Variants in RERE observed in about 807,000 individuals in gnomAD.
RERE encodes the protein arginine-glutamic acid dipeptide repeats protein.
RERE carries 40 observed loss-of-function variants against 146.1 expected under a neutral mutation model. The observed-to-expected ratio is 0.27, with a 90% CI of 0.21 to 0.36. The LOEUF is 0.36. Ranked by LOEUF, RERE falls within the 10% of genes least tolerant of loss-of-function variation. The pLI is 1.00. For missense variants in RERE, 1,933 were observed against 2,138.7 expected, an observed-to-expected ratio of 0.90 and a Z score of 1.90; for synonymous variants, 1,003 against 866.0, an observed-to-expected ratio of 1.16 and a Z score of -2.78.
chr1:8,598,980 C>A (rs1345063102), intron 4 of RERE, among the ~76,000 whole-genome samples: 1 of 152,212 alleles, frequency 6.6e-6, no homozygotes, highest in Non-Finnish European at 1.5e-5. Flanking sequence ...CTGCAAACAT[C>A]CCCCAGCAGA....
chr1:8,417,696 C>A (rs1184971907), intron 12 of RERE, among the ~76,000 whole-genome samples: 1 of 152,112 alleles, frequency 6.6e-6, no homozygotes, highest in Non-Finnish European at 1.5e-5. Context: ...TTCTTAAAAG[C>A]CTTAAATGGG....
At chr1:8,614,025 C>T (rs1646821822) in intron 4 of RERE, among the ~76,000 whole-genome samples, 1 of 152,162 alleles carries the variant, frequency 6.6e-6, no homozygotes, top group Non-Finnish European at 1.5e-5. Context: ...AGAGGAATAA[C>T]CAAGGGATAG....
At chr1:8,548,483 G>A (rs1000660547) in intron 6 of RERE, among the ~76,000 whole-genome samples, 2 of 152,178 alleles carry the variant, frequency 1.3e-5, no homozygotes, top group Admixed American at 1.3e-4. Context: ...ACTGACCTAA[G>A]TAAGAGGAAA....
intron 12 of RERE, among the ~76,000 whole-genome samples, chr1:8,387,630 AAGATTT>A (rs1642727053): frequency 6.6e-6 from 1 of 152,208 alleles, no homozygotes; most frequent in Non-Finnish European, 1.5e-5. Context: ...AAGTAAGCAA[AAGATTT>A]ATATAGGCCC....
At chr1:8,784,052 T>C (rs1270673507) in intron 1 of RERE, among the ~76,000 whole-genome samples, 3 of 152,190 alleles carry the variant, frequency 2.0e-5, no homozygotes, top group African/African-American at 7.2e-5. Flanking sequence ...TCTGTTGTGT[T>C]AAGCCACCAA....
chr1:8,716,076 G>A (rs1393934872), intron 1 of RERE, among the ~76,000 whole-genome samples: 1 of 151,530 alleles, frequency 6.6e-6, no homozygotes, highest in African/African-American at 2.4e-5. Context: ...GCCATGGAGG[G>A]CGAAGCTGCA....
chr1:8,630,735 T>C (rs1647025490), intron 2 of RERE, among the ~76,000 whole-genome samples: 1 of 152,076 alleles, frequency 6.6e-6, no homozygotes, highest in African/African-American at 2.4e-5. Context: ...CATACATACA[T>C]ACGTACATAT....
intron 21 of RERE, 127 bp from the exon 22 acceptor site, chr1:8,355,726 C>A: frequency 1.2e-6 from 1 of 804,986 alleles, no homozygotes; most frequent in Non-Finnish European, 1.9e-6. Flanking sequence ...GAGCCAGCCC[C>A]TCCCAGACTC....
chr1:8,612,142 C>T (rs932753576), intron 4 of RERE, among the ~76,000 whole-genome samples: 2 of 152,194 alleles, frequency 1.3e-5, no homozygotes, highest in African/African-American at 2.4e-5. Context: ...GCAATCAATG[C>T]TATCCTATAA....
intron 1 of RERE, among the ~76,000 whole-genome samples, chr1:8,705,468 G>A (rs138866463): frequency 1.7e-3 from 257 of 152,250 alleles, no homozygotes; most frequent in African/African-American, 6.0e-3. Flanking sequence ...TCAGATCTCA[G>A]GTCAAACATC....
intron 12 of RERE, chr1:8,380,855 C>T (rs1208180740): frequency 2.2e-6 from 1 of 456,608 alleles, no homozygotes; most frequent in East Asian, 6.9e-5. Flanking sequence ...CAGAGCTGGA[C>T]CTTGGAGTCC....
At chr1:8,787,656 C>A (rs561916675) in intron 1 of RERE, among the ~76,000 whole-genome samples, 8 of 151,962 alleles carry the variant, frequency 5.3e-5, no homozygotes, top group South Asian at 2.1e-4. Flanking sequence ...CATGGTGAAA[C>A]CTCGTCTCTA....
intron 1 of RERE, among the ~76,000 whole-genome samples, chr1:8,667,761 T>C (rs1638611665): frequency 6.6e-6 from 1 of 152,246 alleles, no homozygotes; most frequent in Non-Finnish European, 1.5e-5. Flanking sequence ...TGTGAAGCTT[T>C]TCCAATTATA....
At chr1:8,392,228 G>A (rs568299961) in intron 12 of RERE, among the ~76,000 whole-genome samples, 12 of 152,196 alleles carry the variant, frequency 7.9e-5, no homozygotes, top group Middle Eastern at 6.8e-3. Context: ...ATGCTCAAGA[G>A]GTTTCAGGTT....
chr1:8,489,550 AAAC>A (rs1341731564), intron 10 of RERE, among the ~76,000 whole-genome samples: 1 of 152,126 alleles, frequency 6.6e-6, no homozygotes, highest in Admixed American at 6.5e-5. Context: ...AAAAAAAGAT[AAAC>A]AAATGGGCAA....
intron 12 of RERE, among the ~76,000 whole-genome samples, chr1:8,403,825 C>CTTTTGTT (rs1643350207): frequency 1.4e-5 from 1 of 70,854 alleles, no homozygotes; most frequent in African/African-American, 5.9e-5. Context: ...AAAATCTTAG[C>CTTTTGTT]TTTTTTTTTT....
At chr1:8,663,795 C>T (rs1335070051) in intron 1 of RERE, among the ~76,000 whole-genome samples, 2 of 152,162 alleles carry the variant, frequency 1.3e-5, no homozygotes, top group East Asian at 1.9e-4. Flanking sequence ...TCCCCTACTG[C>T]TTCCACCTCC....
intron 3 of RERE, among the ~76,000 whole-genome samples, chr1:8,623,667 C>G (rs1235922778): frequency 6.6e-6 from 1 of 152,150 alleles, no homozygotes. Flanking sequence ...GTGTGAGAAC[C>G]ACTGGCCCTA....
chr1:8,576,907 T>C (rs2124029850), intron 4 of RERE, among the ~76,000 whole-genome samples: 1 of 152,336 alleles, frequency 6.6e-6, no homozygotes, highest in South Asian at 2.1e-4. Context: ...CGGTGGCTCA[T>C]GCCTGTAATC....
Sources: allele counts gnomAD v4.1 joint callset (sites outside exome capture counted in the v4.1 genomes callset), GRCh38; gene constraint gnomAD v4.1.1; transcripts MANE v1.5; gene names NCBI Gene and HGNC (gene_info 2026-07-23, HGNC 2026-07-21).